Variants in AAMDC observed in about 807,000 individuals in gnomAD.
The protein encoded by AAMDC is mth938 domain-containing protein.
Under a neutral mutation model 15.5 loss-of-function variants are expected in AAMDC, and 16 were observed. The ratio of observed to expected loss-of-function variants is 1.03; its 90% CI spans 0.70 to 1.57. AAMDC has a LOEUF of 1.57. Among genes scored for constraint, AAMDC ranks in the 40% most tolerant of loss-of-function variants. AAMDC has a pLI of 0.00. For synonymous variants in AAMDC, 51 were observed against 51.6 expected (o/e 0.99, Z 0.05); for missense variants, 141 against 144.9 (o/e 0.97, Z 0.14).
At chr11:77,828,588 G>T (rs1021142080) in intron 1 of AAMDC, among the ~76,000 whole-genome samples, 1 of 149,748 alleles carries the variant, frequency 6.7e-6, no homozygotes, top group African/African-American at 2.5e-5. Flanking sequence ...GAAGAATGGC[G>T]TGAACCCGGG....
rs963165394 is a variant in AAMDC, at chr11:77,891,830, C to T, written c.329-8741C>T. ...CTGTCCTGCAAGTGGGGCAAATCAGCGATGAAATACCTGGAGGAACAAACA... is the reference window on the plus strand; with the variant it reads ...CTGTCCTGCAAGTGGGGCAAATCAGTGATGAAATACCTGGAGGAACAAACA... On this transcript the variant is annotated intron_variant, in intron 5 of 5. Transcript: ENST00000304716. 1.2e-5 allele frequency: 19 copies of T among 1,611,002 alleles called. No individual in the cohort carries two copies. The highest frequency in any genetic ancestry group is 2.2e-5 in the East Asian group (1 of 44,888).
chr11:77,836,703 C>T (rs915506056), intron 1 of AAMDC, among the ~76,000 whole-genome samples: 3 of 152,194 alleles, frequency 2.0e-5, no homozygotes, highest in Non-Finnish European at 4.4e-5. Context: ...CAGCGGCTTA[C>T]GCTTGTAATC....
intron 2 of AAMDC, among the ~76,000 whole-genome samples, chr11:77,853,940 C>CA (rs1419086948): frequency 3.3e-5 from 5 of 149,510 alleles, no homozygotes; most frequent in African/African-American, 1.2e-4. Context: ...GACTCCGTCT[C>CA]AAAAAAATAA....
At chr11:77,857,306 AAGG>A (rs1590958782) in intron 2 of AAMDC, among the ~76,000 whole-genome samples, 1 of 152,296 alleles carries the variant, frequency 6.6e-6, no homozygotes, top group Non-Finnish European at 1.5e-5. Context: ...CTGACTCTTG[AAGG>A]AGAAGTTTCC....
intron 5 of AAMDC, among the ~76,000 whole-genome samples, chr11:77,888,225 G>A (rs965638336): frequency 5.3e-5 from 8 of 152,138 alleles, no homozygotes; most frequent in African/African-American, 9.7e-5. Context: ...CCAAAACAGA[G>A]ATATAGATCA....
At chr11:77,825,085 A>G (rs1335576519) in intron 1 of AAMDC, among the ~76,000 whole-genome samples, 1 of 152,072 alleles carries the variant, frequency 6.6e-6, no homozygotes, top group Admixed American at 6.6e-5. Context: ...GTTTCACGCC[A>G]TTCTATTGCC....
At chr11:77,873,614 T>C (rs1951516422), downstream of AAMDC, among the ~76,000 whole-genome samples, 1 of 152,188 alleles carries the variant, frequency 6.6e-6, no homozygotes, top group Non-Finnish European at 1.5e-5. Flanking sequence ...GGGAATTATG[T>C]TGTATGAGAG....
At chr11:77,882,796 C>T (rs748747462) in intron 5 of AAMDC, among the ~76,000 whole-genome samples, 30 of 152,290 alleles carry the variant, frequency 2.0e-4, no homozygotes, top group Non-Finnish European at 3.2e-4. Context: ...AAAGGCCCAG[C>T]GCAGTGGCTC....
intron 5 of AAMDC, among the ~76,000 whole-genome samples, chr11:77,884,489 C>A (rs541195251): frequency 1.3e-5 from 2 of 152,356 alleles, no homozygotes; most frequent in South Asian, 4.1e-4. Context: ...CCTCAGCATC[C>A]TGGGGGACCT....
At chr11:77,849,363 T>C (rs1408297995) in intron 2 of AAMDC, among the ~76,000 whole-genome samples, 1 of 152,072 alleles carries the variant, frequency 6.6e-6, no homozygotes, top group Admixed American at 6.6e-5. Flanking sequence ...CTGGGATTAC[T>C]GGTGTGTGTG....
intron 5 of AAMDC, among the ~76,000 whole-genome samples, chr11:77,896,218 T>C (rs1480439498): frequency 1.3e-5 from 2 of 150,088 alleles, no homozygotes; most frequent in African/African-American, 4.9e-5. Context: ...GAAGAGAAAC[T>C]ATACAGAAAA....
In AAMDC at chr11:77,828,463, C is replaced by T. The variant is rs920559786; in HGVS notation, c.-19+7222C>T. ...CAGATGGATCACAAGGTCAGGAGAT[C>T]GAGACCATCCTGGCTAACATGGTGA... is the stretch of plus-strand genomic sequence containing the variant. On this transcript the variant is annotated intron_variant, in intron 1 of 3. Transcript: ENST00000393427. Among the ~76,000 whole-genome samples, 3 of 151,976 alleles carry T rather than the reference C, an allele frequency of 2.0e-5. No homozygotes were observed. The South Asian group carries it at 6.2e-4, about 32-fold the overall frequency.
intron 1 of AAMDC, among the ~76,000 whole-genome samples, chr11:77,834,484 G>A (rs1233855971): frequency 3.7e-5 from 5 of 136,048 alleles, no homozygotes; most frequent in East Asian, 2.2e-4. Context: ...ATGCAGTCTC[G>A]GCTCACTGCA....
chr11:77,904,567 T>C (rs1793343), downstream of AAMDC, among the ~76,000 whole-genome samples: 113,602 of 152,124 alleles, frequency 0.75, 42,951 homozygotes, highest in African/African-American at 0.86. Flanking sequence ...AACAACTTTT[T>C]GAGTGCTCAA....
rs2136003269 is a variant in AAMDC at position 77,821,165 on chromosome 11, A to G, written c.-95A>G. 2.6e-6 allele frequency: 1 copy of G among 379,188 alleles called. No homozygotes were observed. The highest frequency in any genetic ancestry group is 4.2e-5 in the Admixed American group (1 of 23,988). The allele number at this position is 379,188 out of a possible 1,614,324, so 23.5% of individuals were successfully genotyped here. On this transcript the variant is annotated 5_prime_UTR_variant, in exon 1 of 4. Transcript: ENST00000393427. Reference sequence around the variant, plus strand: ...GGGCAGTTGGGGAGCGCAGATCCCGAAGCAGCGCTGGGAGCGTAAGTGCGG... The same window carrying G: ...GGGCAGTTGGGGAGCGCAGATCCCGGAGCAGCGCTGGGAGCGTAAGTGCGG...
At chr11:77,869,853 G>A (rs1431022392) in intron 3 of AAMDC, 36 bp downstream of exon 3, 1 of 1,592,648 alleles carries the variant, frequency 6.3e-7, no homozygotes, top group Admixed American at 1.7e-5. Flanking sequence ...CTGAGGACAG[G>A]TGGGGATCTC....
chr11:77,847,001 A>C, intron 2 of AAMDC, among the ~76,000 whole-genome samples: 1 of 152,138 alleles, frequency 6.6e-6, no homozygotes, highest in East Asian at 1.9e-4. Flanking sequence ...AACTGGGCTG[A>C]TAGTGTAAAT....
At chr11:77,902,037 A>G (rs896834983), downstream of AAMDC, among the ~76,000 whole-genome samples, 1 of 152,228 alleles carries the variant, frequency 6.6e-6, no homozygotes, top group African/African-American at 2.4e-5. Context: ...ACATTTGTCT[A>G]TGACCCCAGA....
At chr11:77,830,307 A>G (rs759475669) in intron 1 of AAMDC, among the ~76,000 whole-genome samples, 1 of 152,212 alleles carries the variant, frequency 6.6e-6, no homozygotes, top group African/African-American at 2.4e-5. Flanking sequence ...ACTGTTTATC[A>G]TGAATGCAGA....
Sources: gnomAD v4.1 joint callset for allele counts (sites outside exome capture counted in the v4.1 genomes callset) on GRCh38, gnomAD v4.1.1 for gene constraint, MANE v1.5 for transcripts, NCBI Gene and HGNC (gene_info 2026-07-23, HGNC 2026-07-21) for gene names.